The following OR51B5 variants were observed in gnomAD, a reference collection of about 807,000 sequenced individuals.
OR51B5 encodes olfactory receptor family 51 subfamily B member 5, also known as olfactory receptor 51B5.
For synonymous variants in OR51B5, 186 were observed against 144.8 expected (o/e 1.28, Z -2.04); for missense variants, 456 against 374.6 (o/e 1.22, Z -1.79).
intron 1 of OR51B5, among the ~76,000 whole-genome samples, chr11:5,426,301 C>G (rs988250235): frequency 5.3e-5 from 8 of 152,148 alleles, no homozygotes; most frequent in Admixed American, 2.0e-4. Flanking sequence ...ACACATAACA[C>G]TATGCACTTA....
chr11:5,423,614 C>A (rs1442498410), intron 1 of OR51B5, among the ~76,000 whole-genome samples: 1 of 152,112 alleles, frequency 6.6e-6, no homozygotes, highest in Non-Finnish European at 1.5e-5. Flanking sequence ...CTTTCCTTTG[C>A]AAAGGAATGA....
chr11:5,351,460 A>G (rs4373970), intron 1 of OR51B5: 260,737 of 1,443,376 alleles, frequency 0.18, 25,559 homozygotes, highest in Non-Finnish European at 0.2. Context: ...ACAACTGATT[A>G]CTATTGCTTT....
chr11:5,399,520 T>C (rs1012478369), intron 1 of OR51B5, among the ~76,000 whole-genome samples: 1 of 152,146 alleles, frequency 6.6e-6, no homozygotes, highest in African/African-American at 2.4e-5. Flanking sequence ...AAGATTCACC[T>C]CCAATTCTGT....
chr11:5,388,376 T>C (rs947654925), intron 1 of OR51B5, among the ~76,000 whole-genome samples: 1 of 151,218 alleles, frequency 6.6e-6, no homozygotes, highest in African/African-American at 2.4e-5. Flanking sequence ...TAGGAGAGGG[T>C]ATTCAAACTA....
At chr11:5,423,449 T>A (rs1850390067) in intron 1 of OR51B5, among the ~76,000 whole-genome samples, 1 of 152,186 alleles carries the variant, frequency 6.6e-6, no homozygotes, top group Non-Finnish European at 1.5e-5. Flanking sequence ...TTCTGGATAT[T>A]TTTCTCTCCT....
intron 1 of OR51B5, among the ~76,000 whole-genome samples, chr11:5,433,482 T>C (rs1850558879): frequency 6.6e-6 from 1 of 152,208 alleles, no homozygotes; most frequent in Admixed American, 6.5e-5. Context: ...CCTGCACCAA[T>C]TCTTTATCCT....
chr11:5,407,357 C>T (rs981455020), intron 1 of OR51B5, among the ~76,000 whole-genome samples: 2 of 152,164 alleles, frequency 1.3e-5, no homozygotes, highest in Admixed American at 6.5e-5. Context: ...ATGGTATCAT[C>T]CCCTCTTCCT....
intron 1 of OR51B5, chr11:5,468,729 C>T: frequency 2.2e-6 from 1 of 456,524 alleles, no homozygotes; most frequent in South Asian, 1.5e-5. Flanking sequence ...CCCCTGGAGG[C>T]AATGGCCAGC....
chr11:5,450,338 A>G (rs1027001114), intron 1 of OR51B5, among the ~76,000 whole-genome samples: 3 of 152,174 alleles, frequency 2.0e-5, no homozygotes, highest in Non-Finnish European at 4.4e-5. Context: ...GCAGTGAGCC[A>G]AGATTGCACC....
At chr11:5,396,649 A>G (rs1429600923) in intron 1 of OR51B5, among the ~76,000 whole-genome samples, 1 of 152,016 alleles carries the variant, frequency 6.6e-6, no homozygotes, top group Non-Finnish European at 1.5e-5. Flanking sequence ...TATAGATTCA[A>G]TGCCATCCCC....
intron 1 of OR51B5, chr11:5,389,852 C>G: frequency 1.9e-6 from 3 of 1,613,860 alleles, no homozygotes; most frequent in Non-Finnish European, 2.5e-6. Flanking sequence ...CACTGGCCAG[C>G]AAGTGGTCAG....
intron 1 of OR51B5, among the ~76,000 whole-genome samples, chr11:5,441,670 G>T (rs1850691384): frequency 6.6e-6 from 1 of 152,172 alleles, no homozygotes; most frequent in Admixed American, 6.5e-5. Flanking sequence ...CTTTAAGGAA[G>T]CAACCGGGTT....
At chr11:5,489,106 A>C in intron 1 of OR51B5, 1 of 1,613,992 alleles carries the variant, frequency 6.2e-7, no homozygotes. Flanking sequence ...TAACCCATTA[A>C]GGTACACAAC....
chr11:5,402,409 C>A (rs2647584), intron 1 of OR51B5, among the ~76,000 whole-genome samples: 56,735 of 152,074 alleles, frequency 0.37, 10,671 homozygotes, highest in South Asian at 0.43. Flanking sequence ...ACTCTCCATA[C>A]TGGAAATTTC....
chr11:5,394,351 T>G (rs75767341), intron 1 of OR51B5, among the ~76,000 whole-genome samples: 10,935 of 152,156 alleles, frequency 0.072, 457 homozygotes, highest in African/African-American at 0.1. Context: ...CTGTGGTGCT[T>G]GTAGTTTTAA....
chr11:5,357,650 A>T (rs1297836824), intron 1 of OR51B5, among the ~76,000 whole-genome samples: 1 of 151,364 alleles, frequency 6.6e-6, no homozygotes, highest in Non-Finnish European at 1.5e-5. Context: ...CCTAATAGAC[A>T]TCTACAGAAC....
chr11:5,429,507 A>T (rs992901981), intron 1 of OR51B5, among the ~76,000 whole-genome samples: 4 of 152,184 alleles, frequency 2.6e-5, no homozygotes, highest in African/African-American at 9.7e-5. Context: ...GACACTAATC[A>T]CTGATCAATC....
At chr11:5,478,117 C>T (rs1258265830) in intron 1 of OR51B5, among the ~76,000 whole-genome samples, 1 of 151,660 alleles carries the variant, frequency 6.6e-6, no homozygotes, top group Non-Finnish European at 1.5e-5. Flanking sequence ...CCCTGTCTGA[C>T]AGCTTTGAAG....
At chr11:5,361,785 G>C (rs2736555) in intron 1 of OR51B5, among the ~76,000 whole-genome samples, 21 of 151,804 alleles carry the variant, frequency 1.4e-4, no homozygotes, top group Non-Finnish European at 2.2e-4. Context: ...GAAAATCCAC[G>C]GGAATACAGA....
Sources: gnomAD v4.1 joint callset for allele counts (sites outside exome capture counted in the v4.1 genomes callset) on GRCh38, gnomAD v4.1.1 for gene constraint, MANE v1.5 for transcripts, NCBI Gene and HGNC (gene_info 2026-07-23, HGNC 2026-07-21) for gene names.